The following ACO2 variants were observed in gnomAD, a reference collection of about 807,000 sequenced individuals.
ACO2 encodes the protein aconitate hydratase, mitochondrial.
ACO2 carries 31 observed loss-of-function variants against 84.5 expected under a neutral mutation model. The ratio of observed to expected loss-of-function variants is 0.37; its 90% CI spans 0.28 to 0.50. ACO2 has a LOEUF of 0.50. ACO2 is among the 20% of genes least tolerant of loss of function. The pLI, the probability that ACO2 is intolerant of heterozygous loss-of-function variation, is 0.97. For synonymous variants in ACO2, 414 were observed against 412.7 expected (o/e 1.00, Z -0.04); for missense variants, 685 against 1,029.3 (o/e 0.67, Z 4.58).
intron 9 of ACO2, among the ~76,000 whole-genome samples, chr22:41,520,712 G>A (rs1215380781): frequency 6.6e-6 from 1 of 152,010 alleles, no homozygotes; most frequent in Non-Finnish European, 1.5e-5. Context: ...GGTGGTGGCA[G>A]GCACCTGTAG....
Position 41,527,661 on chromosome 22 carries a change from CA to C in ACO2, c.2087-239del, listed in dbSNP as rs1451751048. ...AGCCGCTGAGATCTAGGACATGTGCCAGGGGGTTCTTTCTGATCATGAATGT... is the reference window on the plus strand; with the variant it reads ...AGCCGCTGAGATCTAGGACATGTGCCGGGGGTTCTTTCTGATCATGAATGT... On this transcript the variant is annotated intron_variant, in intron 16 of 17. Transcript: ENST00000216254. 1.0e-5 allele frequency: 8 copies of C among 787,878 alleles called. No individual in the cohort carries two copies. The South Asian group carries it at 1.1e-4, about 11-fold the overall frequency. The allele number at this position is 787,878 out of a possible 1,614,324, so 48.8% of individuals were successfully genotyped here.
rs557409938 is a variant in ACO2 at position 41,484,088 on chromosome 22, TGGG to T, written c.36+14910_36+14912del. Among the ~76,000 whole-genome samples the T allele has an allele frequency of 2.1e-3, 312 of 152,190 alleles. 3 individuals are homozygous for T. Among genetic ancestry groups the T allele is most frequent in the Middle Eastern group, 0.017 (5 of 294 alleles). On this transcript the variant is annotated intron_variant, in intron 1 of 17. Coordinates refer to ENST00000216254, the MANE Select transcript of ACO2 (RefSeq NM_001098.3). ...GTTTGTTGTCTTTGGGGCAGGGAAATGGGGGGTTGGGACTTGAGTCCTGGTTTC... is the reference window on the plus strand; with the variant it reads ...GTTTGTTGTCTTTGGGGCAGGGAAATGGGTTGGGACTTGAGTCCTGGTTTC...
intron 9 of ACO2, among the ~76,000 whole-genome samples, 182 bp from the exon 10 acceptor site, chr22:41,522,646 TGA>T (rs1181445446): frequency 1.4e-5 from 2 of 144,586 alleles, no homozygotes. Flanking sequence ...CGCCACGTCA[TGA>T]GTTAGCCTGT....
At chr22:41,519,380 G>A (rs531467636) in intron 8 of ACO2, among the ~76,000 whole-genome samples, 15 of 152,336 alleles carry the variant, frequency 9.8e-5, no homozygotes, top group East Asian at 3.9e-4. Flanking sequence ...TACAGCAGTC[G>A]TGAGGATTGA....
chr22:41,503,285 C>G (rs542366956), intron 2 of ACO2, among the ~76,000 whole-genome samples: 1 of 151,180 alleles, frequency 6.6e-6, no homozygotes, highest in East Asian at 1.9e-4. Flanking sequence ...AGTCCAATAA[C>G]TTTGAACATT....
At chr22:41,512,920 C>T (rs1175072893) in intron 4 of ACO2, among the ~76,000 whole-genome samples, 2 of 152,170 alleles carry the variant, frequency 1.3e-5, no homozygotes, top group Non-Finnish European at 2.9e-5. Flanking sequence ...GTGGCCCTTC[C>T]CCCCACCTCC....
In ACO2 at chr22:41,524,967, G is replaced by C. The variant is rs1337831971; in HGVS notation, c.1604G>C (p.Gly535Ala). 9 of 1,614,164 alleles carry C rather than the reference G, an allele frequency of 5.6e-6. No homozygotes were observed. Among genetic ancestry groups the C allele is most frequent in the Non-Finnish European group, 7.6e-6 (9 of 1,180,030 alleles). The change falls in exon 13 of 18, where the codon GGG becomes GCG. Residue 535 changes from glycine (G) to alanine (A), a missense_variant and splice_region_variant. By Grantham distance (60) the Gly-to-Ala change is moderately conservative (BLOSUM62 0). This residue lies in a region of ACO2 where 311 missense variants were observed against 441.6 expected (regional missense o/e 0.70). Transcript: ENST00000216254. ...EAPDADELPK[G>A]EFDPGQDTYQ... is the part of the protein sequence containing the mutation. ...CCGGATGCAGATGAGCTTCCCAAAG[G>C]GGTGAGCGCCCACGCCCCCTGCTTG...
chr22:41,528,432 G>A, intron 17 of ACO2, 47 bp from the exon 18 acceptor site: 1 of 1,600,296 alleles, frequency 6.2e-7, no homozygotes. Context: ...GGGGCCAAGG[G>A]CACACAGTAC....
At chr22:41,527,000 A>G (rs2066612788) in intron 15 of ACO2, 2 of 500,094 alleles carry the variant, frequency 4.0e-6, no homozygotes, top group Non-Finnish European at 7.1e-6. Flanking sequence ...GTCTCACCCA[A>G]CCTCCCTCCA....
intron 1 of ACO2, among the ~76,000 whole-genome samples, chr22:41,480,239 C>G (rs1164013222): frequency 6.6e-6 from 1 of 152,214 alleles, no homozygotes; most frequent in Non-Finnish European, 1.5e-5. Flanking sequence ...CCTGAGACTT[C>G]TCTGCCAGGA....
intron 6 of ACO2, 159 bp from the exon 7 acceptor site, chr22:41,517,368 G>T: frequency 4.7e-6 from 3 of 633,488 alleles, no homozygotes. Context: ...TTTTTACCCA[G>T]GGCCTCAAGG....
intron 2 of ACO2, among the ~76,000 whole-genome samples, chr22:41,506,886 C>T (rs2066397049): frequency 1.3e-5 from 2 of 151,776 alleles, no homozygotes; most frequent in African/African-American, 4.8e-5. Context: ...GCAGGGCGGC[C>T]ACAACAGCCC....
intron 3 of ACO2, among the ~76,000 whole-genome samples, chr22:41,509,815 C>CTT (rs137832): frequency 0.21 from 22,292 of 107,798 alleles, 3,529 homozygotes; most frequent in Admixed American, 0.39. Flanking sequence ...AGAATATGGT[C>CTT]TTTTTTTTTT....
At chr22:41,480,519 A>G (rs1569001441) in intron 1 of ACO2, among the ~76,000 whole-genome samples, 1 of 152,090 alleles carries the variant, frequency 6.6e-6, no homozygotes, top group Non-Finnish European at 1.5e-5. Context: ...CATAGTGGAA[A>G]AACATCTGCC....
chr22:41,500,250 G>A (rs2066344129), intron 2 of ACO2, among the ~76,000 whole-genome samples: 1 of 152,006 alleles, frequency 6.6e-6, no homozygotes, highest in African/African-American at 2.4e-5. Flanking sequence ...ACAGAGGAGA[G>A]CTCAGGTCTG....
Position 41,508,050 on chromosome 22 carries a change from G to A in ACO2, c.432+1G>A. On this transcript the variant is annotated splice_donor_variant, in intron 3 of 17. Transcript: ENST00000216254. LOFTEE classifies it high-confidence loss of function. ...CGAGAAAGACCTGCGCCGGGCCAAG[G>A]TGAGCAGAAGGTGGCTTTGGGGGTG... 6.2e-7 allele frequency: 1 copy of A among 1,606,980 alleles called. No individual in the cohort carries two copies. Among genetic ancestry groups the A allele is most frequent in the Non-Finnish European group, 8.5e-7 (1 of 1,174,242 alleles).
chr22:41,526,920 G>A, intron 15 of ACO2: 1 of 359,262 alleles, frequency 2.8e-6, no homozygotes, highest in Non-Finnish European at 5.1e-6. Flanking sequence ...GTGGGGCAGA[G>A]GGTGCTCCCA....
chr22:41,482,086 C>T (rs917414586), intron 1 of ACO2, among the ~76,000 whole-genome samples: 4 of 152,192 alleles, frequency 2.6e-5, no homozygotes, highest in Non-Finnish European at 4.4e-5. Flanking sequence ...CCTGGCTCCC[C>T]GGTGGGGGTC....
chr22:41,527,042 T>G, intron 15 of ACO2: 1 of 583,656 alleles, frequency 1.7e-6, no homozygotes, highest in Non-Finnish European at 3.0e-6. Context: ...CACCAATGGG[T>G]GGCTTCTGTC....
Sources: allele counts gnomAD v4.1 joint callset (sites outside exome capture counted in the v4.1 genomes callset), GRCh38; gene constraint gnomAD v4.1.1; regional missense constraint gnomAD v4.1.1; transcripts MANE v1.5; gene names NCBI Gene and HGNC (gene_info 2026-07-23, HGNC 2026-07-21).